The following AHI1 variants were observed in gnomAD, a reference collection of about 807,000 sequenced individuals.
AHI1 encodes the protein Abelson helper integration site 1.
A neutral mutation model predicts 149.3 loss-of-function variants in AHI1; 123 were observed. The ratio of observed to expected loss-of-function variants is 0.82; its 90% CI spans 0.71 to 0.96. AHI1 has a LOEUF of 0.96. AHI1 is among the 40% of genes least tolerant of loss of function. The pLI is 0.00. For synonymous variants in AHI1, 475 were observed against 459.8 expected, an observed-to-expected ratio of 1.03 and a Z score of -0.42; for missense variants, 1,439 against 1,422.7, an observed-to-expected ratio of 1.01 and a Z score of -0.18.
intron 21 of AHI1, among the ~76,000 whole-genome samples, chr6:135,406,452 G>C (rs1483490383): frequency 6.6e-6 from 1 of 152,086 alleles, no homozygotes; most frequent in Admixed American, 6.6e-5. Context: ...CTTGATCTCT[G>C]TAAGCCTCAA....
chr6:135,344,089 T>G (rs969061389), intron 24 of AHI1, among the ~76,000 whole-genome samples: 1 of 152,018 alleles, frequency 6.6e-6, no homozygotes, highest in Non-Finnish European at 1.5e-5. Flanking sequence ...AAATAGTATT[T>G]GCATACAACT....
At chr6:135,378,615 A>T (rs1396712337) in intron 23 of AHI1, among the ~76,000 whole-genome samples, 1 of 152,218 alleles carries the variant, frequency 6.6e-6, no homozygotes. Flanking sequence ...CTTAAAATAT[A>T]ATTTAATATC....
chr6:135,333,064 C>T (rs992404240), intron 24 of AHI1, among the ~76,000 whole-genome samples: 2 of 152,170 alleles, frequency 1.3e-5, no homozygotes, highest in Non-Finnish European at 2.9e-5. Flanking sequence ...CCTTTTCTTA[C>T]GAAGTTTTGC....
intron 23 of AHI1, among the ~76,000 whole-genome samples, chr6:135,368,479 C>A (rs903205224): frequency 5.3e-5 from 8 of 152,080 alleles, no homozygotes; most frequent in Non-Finnish European, 1.0e-4. Flanking sequence ...CTTAAGGTAC[C>A]AGGACAGGTA....
At chr6:135,310,075 T>C (rs992571933) in intron 26 of AHI1, among the ~76,000 whole-genome samples, 1 of 152,158 alleles carries the variant, frequency 6.6e-6, no homozygotes, top group Non-Finnish European at 1.5e-5. Context: ...AATGATTTAG[T>C]ATATATTAAC....
rs1781573354 is a variant in AHI1, at chr6:135,411,406, T to C, written c.2903A>G (p.His968Arg). The C allele has an allele frequency of 6.2e-7, 1 of 1,613,876 alleles. No individual in the cohort carries two copies. Among genetic ancestry groups the C allele is most frequent in the East Asian group, 2.2e-5 (1 of 44,866 alleles). The change falls in exon 21 of 29, where the codon CAC (histidine) becomes CGC (arginine). Residue 968 changes from histidine (H) to arginine (R), a missense_variant. Physicochemically the swap from His to Arg is conservative, Grantham distance 29 (BLOSUM62 0). Coordinates refer to ENST00000265602, the MANE Select transcript of AHI1 (RefSeq NM_001134831.2). Reference protein sequence around the residue: ...QGSFQIDEFVHTESSSTKMQL... With the variant: ...QGSFQIDEFVRTESSSTKMQL... ...CATCTTCGTTGAAGAACTTTCAGTG[T>C]GGACAAATTCATCAATCTGAAAAGA...
chr6:135,427,104 C>T (rs1784013622), intron 20 of AHI1, 63 bp downstream of exon 20: 2 of 1,488,452 alleles, frequency 1.3e-6, no homozygotes, highest in East Asian at 2.3e-5. Context: ...AGACAGATTC[C>T]TGGTTTAGTC....
Position 135,394,831 on chromosome 6 carries a change from C to T in AHI1, c.3054G>A (p.Gln1018=), listed in dbSNP as rs1779001750. 3 of 1,607,956 alleles carry T rather than the reference C, an allele frequency of 1.9e-6. No homozygotes were observed. The African/African-American group carries it at 4.0e-5, about 21-fold the overall frequency. Residue 1018 remains glutamine (Q), a synonymous_variant, in exon 23 of 29, where the codon CAG becomes CAA. Transcript: ENST00000265602. The part of the protein sequence containing the change: ...AVSSQQSKLK[Q]SNMLTAQEIL... Reference sequence around the variant, plus strand: ...TCTCTTGAGCGGTCAGCATGTTTGACTGCTTTAACTTAGACTGTTGTGAGG... The same window carrying T: ...TCTCTTGAGCGGTCAGCATGTTTGATTGCTTTAACTTAGACTGTTGTGAGG...
At chr6:135,362,601 C>A (rs368632499) in intron 23 of AHI1, among the ~76,000 whole-genome samples, 1 of 152,134 alleles carries the variant, frequency 6.6e-6, no homozygotes, top group Non-Finnish European at 1.5e-5. Context: ...ATTTGCAGTT[C>A]CCTGATCATT....
At chr6:135,293,351 A>C (rs1782596018) in intron 27 of AHI1, among the ~76,000 whole-genome samples, 1 of 141,324 alleles carries the variant, frequency 7.1e-6, no homozygotes, top group Non-Finnish European at 1.5e-5. Flanking sequence ...GACTAGTTTT[A>C]TTCAACATTG....
At chr6:135,297,633 A>T in intron 27 of AHI1, 1 of 391,860 alleles carries the variant, frequency 2.6e-6, no homozygotes, top group Admixed American at 2.7e-5. Flanking sequence ...ACTGCTGGGC[A>T]CACTGTGAGG....
At chr6:135,440,064 T>C (rs1786038381) in intron 14 of AHI1, among the ~76,000 whole-genome samples, 1 of 152,202 alleles carries the variant, frequency 6.6e-6, no homozygotes, top group Non-Finnish European at 1.5e-5. Flanking sequence ...GTGTTTTAAC[T>C]TGCTATGTTC....
At position 135,450,958 on chromosome 6, in the gene AHI1, G is replaced by A. The variant is rs542651290; in HGVS notation, c.1440+2383C>T. Among the ~76,000 whole-genome samples the A allele has an allele frequency of 3.3e-5, 5 of 151,754 alleles. No homozygotes were observed. In the East Asian group the frequency reaches 9.7e-4, roughly 29 times the overall value. On this transcript the variant is annotated intron_variant, in intron 11 of 28. Coordinates refer to ENST00000265602, the MANE Select transcript of AHI1 (RefSeq NM_001134831.2). ...TCCAAGACATCCCTCGTACCAACAG[G>A]ATAGGTAATAAAAGATTTAAATTTT... is the stretch of plus-strand genomic sequence containing the variant.
rs188656645 is a variant in AHI1, at chr6:135,475,685, G to A, written c.136-8051C>T. Among the ~76,000 whole-genome samples, 272 of 152,292 alleles carry A rather than the reference G, an allele frequency of 1.8e-3. 1 individual carries two copies. The highest frequency in any genetic ancestry group is 4.6e-3 in the Admixed American group (70 of 15,298). ...TTGCACATTTTGTCACATGTTGTTG[G>A]AGGAATTAAGTGAGTCCCTTGCAAC... On this transcript the variant is annotated intron_variant, in intron 5 of 28. Coordinates refer to ENST00000265602, the MANE Select transcript of AHI1 (RefSeq NM_001134831.2).
intron 26 of AHI1, chr6:135,300,900 T>C: frequency 3.0e-6 from 3 of 1,010,428 alleles, no homozygotes; most frequent in Non-Finnish European, 3.5e-6. Context: ...GCTCTAAATA[T>C]ATCTTTTAGC....
intron 23 of AHI1, among the ~76,000 whole-genome samples, chr6:135,383,156 T>C (rs1777087837): frequency 6.8e-6 from 1 of 147,572 alleles, no homozygotes; most frequent in South Asian, 2.1e-4. Flanking sequence ...TATAAATATA[T>C]ACACTGTAAT....
At chr6:135,302,127 G>A in intron 26 of AHI1, 1 of 983,794 alleles carries the variant, frequency 1.0e-6, no homozygotes, top group Non-Finnish European at 1.2e-6. Flanking sequence ...GAGTTGCTGG[G>A]ATTACAGGTG....
intron 23 of AHI1, among the ~76,000 whole-genome samples, chr6:135,375,300 C>T (rs1284249263): frequency 2.6e-5 from 4 of 151,224 alleles, no homozygotes; most frequent in Non-Finnish European, 2.9e-5. Flanking sequence ...AAAAAAATCC[C>T]GAGGGGAAAA....
At chr6:135,342,456 G>C (rs918887368) in intron 24 of AHI1, among the ~76,000 whole-genome samples, 1 of 151,728 alleles carries the variant, frequency 6.6e-6, no homozygotes, top group Non-Finnish European at 1.5e-5. Flanking sequence ...GAAAATTACA[G>C]ATCAATGTCC....
Sources: allele counts gnomAD v4.1 joint callset (sites outside exome capture counted in the v4.1 genomes callset), GRCh38; gene constraint gnomAD v4.1.1; transcripts MANE v1.5; gene names NCBI Gene and HGNC (gene_info 2026-07-23, HGNC 2026-07-21).